LRP1B: variants seen among roughly 807,000 people sequenced by gnomAD.
LRP1B encodes the protein low-density lipoprotein receptor-related protein 1B.
In LRP1B, 217 loss-of-function variants were observed where a neutral mutation model predicts 556.6. The ratio of observed to expected loss-of-function variants is 0.39; its 90% CI spans 0.35 to 0.44. The LOEUF is 0.44. Among genes scored for constraint, LRP1B ranks in the 20% least tolerant of loss-of-function variants. LRP1B has a pLI of 1.00. For synonymous variants in LRP1B, 2,047 were observed against 1,865.8 expected (o/e 1.10, Z -2.50); for missense variants, 5,053 against 5,620.8 (o/e 0.90, Z 3.23).
intron 1 of LRP1B, among the ~76,000 whole-genome samples, chr2:142,041,951 CTTG>C (rs1190114769): frequency 1.3e-5 from 2 of 151,392 alleles, no homozygotes; most frequent in Non-Finnish European, 3.0e-5. Flanking sequence ...TACACTGTGC[CTTG>C]TTGTAGGGGA....
intron 18 of LRP1B, among the ~76,000 whole-genome samples, chr2:140,956,478 C>T (rs1389272712): frequency 6.6e-6 from 1 of 151,622 alleles, no homozygotes; most frequent in Non-Finnish European, 1.5e-5. Flanking sequence ...CCTTATGGTA[C>T]ATAATTAAAT....
At chr2:141,419,429 A>AT (rs1364843982) in intron 3 of LRP1B, among the ~76,000 whole-genome samples, 1 of 152,108 alleles carries the variant, frequency 6.6e-6, no homozygotes, top group Non-Finnish European at 1.5e-5. Flanking sequence ...TTGTTGGCAG[A>AT]TTTTTTGATT....
chr2:141,846,064 G>A (rs1697633791), intron 1 of LRP1B, among the ~76,000 whole-genome samples: 1 of 151,364 alleles, frequency 6.6e-6, no homozygotes, highest in African/African-American at 2.4e-5. Flanking sequence ...GAAAATAGGA[G>A]AAGACAATAA....
intron 7 of LRP1B, among the ~76,000 whole-genome samples, chr2:141,139,015 C>T (rs1032964056): frequency 6.6e-6 from 1 of 151,700 alleles, no homozygotes; most frequent in African/African-American, 2.4e-5. Context: ...ATCAATAGGA[C>T]AGAATAAATA....
chr2:141,288,627 T>C (rs1302212917), intron 3 of LRP1B, among the ~76,000 whole-genome samples: 2 of 152,192 alleles, frequency 1.3e-5, no homozygotes, highest in Non-Finnish European at 2.9e-5. Context: ...CTGAAACTGA[T>C]TATCTTAAAT....
intron 2 of LRP1B, among the ~76,000 whole-genome samples, chr2:141,739,451 G>A (rs1275159063): frequency 6.6e-6 from 1 of 152,038 alleles, no homozygotes; most frequent in Non-Finnish European, 1.5e-5. Context: ...CCTGGATATT[G>A]TTTTGTAAAA....
rs113739397 is a variant in LRP1B at position 141,229,888 on chromosome 2, C to T, written c.593-448G>A. 2.3e-3 allele frequency among the ~76,000 whole-genome samples: 348 copies of T among 152,198 alleles called. 4 individuals are homozygous for T. The highest frequency in any genetic ancestry group is 7.6e-3 in the African/African-American group (314 of 41,516). ...AAAATGCAAAGCTCATAAGCTTAAA[C>T]AAAGAGTGCACCTGTGACTTTGGCC... is the stretch of plus-strand genomic sequence containing the variant. On this transcript the variant is annotated intron_variant, in intron 5 of 90. Transcript: ENST00000389484.
In LRP1B at chr2:140,280,997, TAC is replaced by T. The variant is rs368161391; in HGVS notation, c.12968-6401_12968-6400del. Among the ~76,000 whole-genome samples, 287 of 151,930 alleles carry T rather than the reference TAC, an allele frequency of 1.9e-3. 2 individuals are homozygous for T. Among genetic ancestry groups the T allele is most frequent in the African/African-American group, 5.9e-3 (247 of 41,520 alleles). On this transcript the variant is annotated intron_variant, in intron 84 of 90. Coordinates refer to ENST00000389484, the MANE Select transcript of LRP1B (RefSeq NM_018557.3). ...TAAAGGACAATGATGAATATGTAATTACAGAGTATTCATATGGTAATTAGGTA... is the reference window on the plus strand; with the variant it reads ...TAAAGGACAATGATGAATATGTAATTAGAGTATTCATATGGTAATTAGGTA...
intron 3 of LRP1B, among the ~76,000 whole-genome samples, chr2:141,259,664 A>C (rs1178157383): frequency 6.6e-6 from 1 of 152,190 alleles, no homozygotes; most frequent in Non-Finnish European, 1.5e-5. Context: ...CTGTGATATC[A>C]GCGAAAAATT....
intron 2 of LRP1B, among the ~76,000 whole-genome samples, chr2:141,601,530 T>C (rs531995917): frequency 6.6e-6 from 1 of 152,202 alleles, no homozygotes; most frequent in Non-Finnish European, 1.5e-5. Context: ...GATGTATTTT[T>C]CTACCTTTTA....
At chr2:140,849,501 C>A (rs1692390873) in intron 29 of LRP1B, among the ~76,000 whole-genome samples, 1 of 151,422 alleles carries the variant, frequency 6.6e-6, no homozygotes, top group Admixed American at 6.6e-5. Flanking sequence ...AAAAAAGACA[C>A]TTTAAGTCTA....
chr2:140,939,818 G>T (rs189946926), intron 20 of LRP1B, among the ~76,000 whole-genome samples: 3 of 151,032 alleles, frequency 2.0e-5, no homozygotes, highest in African/African-American at 7.3e-5. Context: ...AGAAAATACA[G>T]GTAAAATTTT....
chr2:140,861,013 TC>T (rs1287346173), intron 27 of LRP1B, among the ~76,000 whole-genome samples: 4 of 151,736 alleles, frequency 2.6e-5, no homozygotes, highest in African/African-American at 9.7e-5. Context: ...TATCTATCTA[TC>T]TATCTATCTA....
intron 3 of LRP1B, among the ~76,000 whole-genome samples, chr2:141,281,117 C>A (rs1232189084): frequency 1.3e-5 from 2 of 151,956 alleles, no homozygotes; most frequent in Admixed American, 6.6e-5. Flanking sequence ...ATAGATTGAG[C>A]TTTTTACTTT....
At chr2:141,174,176 G>C (rs1041702404) in intron 7 of LRP1B, among the ~76,000 whole-genome samples, 1 of 152,048 alleles carries the variant, frequency 6.6e-6, no homozygotes, top group Admixed American at 6.6e-5. Context: ...GTGGTAGTAA[G>C]ATCTTATGAA....
chr2:141,963,600 A>C (rs1430735671), intron 1 of LRP1B, among the ~76,000 whole-genome samples: 1 of 151,830 alleles, frequency 6.6e-6, no homozygotes, highest in Admixed American at 6.6e-5. Context: ...ATTTCAAAAT[A>C]ATAAGAGCTA....
chr2:141,530,906 A>G (rs944055003), intron 2 of LRP1B, among the ~76,000 whole-genome samples: 2 of 151,754 alleles, frequency 1.3e-5, no homozygotes, highest in Non-Finnish European at 2.9e-5. Flanking sequence ...GGAGAGGCAG[A>G]CAGAGGCTAA....
intron 2 of LRP1B, among the ~76,000 whole-genome samples, chr2:141,573,358 GAAATT>G (rs1460071156): frequency 6.6e-6 from 1 of 152,076 alleles, no homozygotes; most frequent in Non-Finnish European, 1.5e-5. Context: ...GGTAAATAAT[GAAATT>G]AAGGCAAAAA....
chr2:140,351,504 C>T (rs1681958190), intron 76 of LRP1B, among the ~76,000 whole-genome samples: 1 of 152,062 alleles, frequency 6.6e-6, no homozygotes, highest in South Asian at 2.1e-4. Context: ...TGTATTTATA[C>T]ATCTTAAATG....
Sources: gnomAD v4.1 joint callset for allele counts (sites outside exome capture counted in the v4.1 genomes callset) on GRCh38, gnomAD v4.1.1 for gene constraint, MANE v1.5 for transcripts, NCBI Gene and HGNC (gene_info 2026-07-23, HGNC 2026-07-21) for gene names.